The following PHF14 variants were observed in gnomAD, a reference collection of about 807,000 sequenced individuals.
PHF14 encodes the protein PHD finger protein 14.
A neutral mutation model predicts 117.9 loss-of-function variants in PHF14; 55 were observed. The ratio of observed to expected loss-of-function variants is 0.47; its 90% CI spans 0.38 to 0.58. The LOEUF (loss-of-function observed/expected upper bound fraction) is 0.58. Among genes scored for constraint, PHF14 ranks in the 20% least tolerant of loss-of-function variants. The pLI, the probability that PHF14 is intolerant of heterozygous loss-of-function variation, is 0.00. For synonymous variants in PHF14, 409 were observed against 368.6 expected (o/e 1.11, Z -1.26); for missense variants, 978 against 1,122.2 (o/e 0.87, Z 1.84).
rs564539774 is a variant in PHF14 at position 11,046,884 on chromosome 7, T to A, written c.2312+4070T>A. On this transcript the variant is annotated intron_variant, in intron 13 of 17. Coordinates refer to ENST00000634607, the MANE Select transcript of PHF14 (RefSeq NM_001007157.2). Reference sequence around the variant, plus strand: ...GACATAAGAAAAAAAAAAACTCTGGTGTGGGATCCTGAGTTCTTGATGACT... The same window carrying A: ...GACATAAGAAAAAAAAAAACTCTGGAGTGGGATCCTGAGTTCTTGATGACT... Among the ~76,000 whole-genome samples, 4 of 151,310 alleles carry A rather than the reference T, an allele frequency of 2.6e-5. No individual in the cohort carries two copies. In the South Asian group the frequency reaches 8.3e-4, roughly 32 times the overall value.
chr7:11,083,663 A>T (rs201917441), intron 16 of PHF14, among the ~76,000 whole-genome samples: 1 of 151,922 alleles, frequency 6.6e-6, no homozygotes, highest in East Asian at 1.9e-4. Flanking sequence ...GGGTTTCACC[A>T]TCTTGGCCAG....
chr7:10,995,636 G>T (rs1284318424), intron 4 of PHF14, among the ~76,000 whole-genome samples: 1 of 152,200 alleles, frequency 6.6e-6, no homozygotes, highest in African/African-American at 2.4e-5. Context: ...CCACGCAGGA[G>T]CCCATGGCGG....
At chr7:10,991,543 T>G (rs1405657832) in intron 4 of PHF14, among the ~76,000 whole-genome samples, 2 of 151,568 alleles carry the variant, frequency 1.3e-5, no homozygotes, top group African/African-American at 2.4e-5. Flanking sequence ...CTCCTGACTT[T>G]AAGTGATCCG....
chr7:11,029,535 A>G (rs1240539338), intron 7 of PHF14, among the ~76,000 whole-genome samples: 1 of 152,192 alleles, frequency 6.6e-6, no homozygotes, highest in African/African-American at 2.4e-5. Context: ...AATGTAAAAC[A>G]GTGCCACTCT....
At chr7:11,020,140 G>A (rs546328744) in intron 5 of PHF14, among the ~76,000 whole-genome samples, 7 of 151,884 alleles carry the variant, frequency 4.6e-5, no homozygotes, top group South Asian at 2.1e-4. Context: ...CCAGGCTAAA[G>A]TGCAGTGGCA....
chr7:11,097,927 G>T (rs1013046114), intron 16 of PHF14, among the ~76,000 whole-genome samples: 3 of 152,120 alleles, frequency 2.0e-5, no homozygotes, highest in African/African-American at 7.2e-5. Context: ...AGGAAGGGGT[G>T]TGTGTATGTG....
At chr7:10,990,648 T>G (rs1782417056) in intron 3 of PHF14, 55 bp from the exon 4 acceptor site, 2 of 857,366 alleles carry the variant, frequency 2.3e-6, no homozygotes, top group Admixed American at 3.4e-5. Flanking sequence ...AGTGATTAAG[T>G]TTTTTTTTTA....
intron 13 of PHF14, 88 bp from the exon 14 acceptor site, chr7:11,051,524 T>G: frequency 1.9e-6 from 2 of 1,029,984 alleles, no homozygotes. Flanking sequence ...ATTATTCTTA[T>G]ATACCTGGAT....
chr7:11,077,560 C>T (rs1785911485), intron 16 of PHF14, among the ~76,000 whole-genome samples: 1 of 144,338 alleles, frequency 6.9e-6, no homozygotes, highest in Non-Finnish European at 1.5e-5. Context: ...CAGATCGCGC[C>T]ACTGCACTCC....
chr7:11,036,971 T>C lies in PHF14; in HGVS notation c.1874-14T>C. 6.8e-7 allele frequency: 1 copy of C among 1,461,388 alleles called. No individual in the cohort carries two copies. Among genetic ancestry groups the C allele is most frequent in the Non-Finnish European group, 9.3e-7 (1 of 1,076,620 alleles). The allele number at this position is 1,461,388 out of a possible 1,614,324, so 90.5% of individuals were successfully genotyped here. A position where few individuals can be genotyped will look rare whatever the true frequency, so the allele number is the denominator to read the frequency against. On this transcript the variant is annotated splice_polypyrimidine_tract_variant and intron_variant, in intron 9 of 17. Transcript: ENST00000634607. ...CTTCCTACTAAAGTAAAATTCGATA[T>C]TTCATTTAAATAGAGAGAAATATGC...
At chr7:11,138,065 C>CTTT (rs1162515612) in intron 17 of PHF14, among the ~76,000 whole-genome samples, 4 of 147,744 alleles carry the variant, frequency 2.7e-5, no homozygotes, top group African/African-American at 1.0e-4. Context: ...GAGACGGAGT[C>CTTT]TTTGCTCTGT....
At chr7:11,069,995 A>T (rs928640752) in intron 16 of PHF14, among the ~76,000 whole-genome samples, 1 of 152,106 alleles carries the variant, frequency 6.6e-6, no homozygotes, top group African/African-American at 2.4e-5. Context: ...TTTTGATAGA[A>T]TTCTCCGGTG....
chr7:11,166,734 T>C (rs1789211905), intron 17 of PHF14, among the ~76,000 whole-genome samples: 1 of 152,168 alleles, frequency 6.6e-6, no homozygotes, highest in Non-Finnish European at 1.5e-5. Context: ...AGGTTACAGC[T>C]ATCCTTCTAA....
chr7:11,063,234 T>C (rs1554266366), intron 16 of PHF14: 1 of 984,612 alleles, frequency 1.0e-6, no homozygotes, highest in Non-Finnish European at 1.2e-6. Flanking sequence ...AGGTAGTTCA[T>C]GTAGAGTGTG....
chr7:11,167,883 G>C (rs1789247695), intron 17 of PHF14, among the ~76,000 whole-genome samples: 1 of 151,966 alleles, frequency 6.6e-6, no homozygotes, highest in African/African-American at 2.4e-5. Flanking sequence ...CAAAAAATTA[G>C]CCGGGCGTGG....
intron 16 of PHF14, among the ~76,000 whole-genome samples, chr7:11,094,251 A>T (rs1786756311): frequency 6.6e-6 from 1 of 152,096 alleles, no homozygotes; most frequent in Admixed American, 6.5e-5. Flanking sequence ...ACAATATAAA[A>T]TTTTTTCATA....
intron 10 of PHF14, 58 bp from the exon 11 acceptor site, chr7:11,038,702 A>G (rs915367950): frequency 1.1e-5 from 7 of 655,510 alleles, no homozygotes; most frequent in East Asian, 3.2e-5. Context: ...AGAAATGTAG[A>G]TATTTCTTAA....
At chr7:11,101,726 A>G (rs1013463711) in intron 16 of PHF14, among the ~76,000 whole-genome samples, 1 of 151,798 alleles carries the variant, frequency 6.6e-6, no homozygotes, top group Non-Finnish European at 1.5e-5. Context: ...CATTAAACAC[A>G]TCTCTTAATT....
At chr7:11,011,211 G>A (rs535322210) in intron 4 of PHF14, among the ~76,000 whole-genome samples, 7 of 152,130 alleles carry the variant, frequency 4.6e-5, no homozygotes, top group Non-Finnish European at 7.4e-5. Context: ...TTTACTAATT[G>A]TATATGGCTC....
Sources: allele counts gnomAD v4.1 joint callset (sites outside exome capture counted in the v4.1 genomes callset), GRCh38; gene constraint gnomAD v4.1.1; transcripts MANE v1.5; gene names NCBI Gene and HGNC (gene_info 2026-07-23, HGNC 2026-07-21).